The following HTR4 variants were observed in gnomAD, a reference collection of about 807,000 sequenced individuals.
HTR4 encodes the protein 5-hydroxytryptamine receptor 4.
A neutral mutation model predicts 36.8 loss-of-function variants in HTR4; 16 were observed. The observed-to-expected ratio is 0.43, with a 90% CI of 0.29 to 0.66. The LOEUF is 0.66. Ranked by LOEUF, HTR4 falls within the 30% of genes least tolerant of loss-of-function variation. The pLI, the probability that HTR4 is intolerant of heterozygous loss-of-function variation, is 0.13. For synonymous variants in HTR4, 189 were observed against 185.1 expected (o/e 1.02, Z -0.17); for missense variants, 438 against 490.9 (o/e 0.89, Z 1.02).
chr5:148,588,707 A>G (rs902697745), intron 2 of HTR4, among the ~76,000 whole-genome samples: 1 of 150,300 alleles, frequency 6.7e-6, no homozygotes, highest in Non-Finnish European at 1.5e-5. Flanking sequence ...CGCCCGGCTA[A>G]TTTTTTGTAT....
At chr5:148,593,547 C>T (rs1761654365) in intron 2 of HTR4, among the ~76,000 whole-genome samples, 1 of 152,122 alleles carries the variant, frequency 6.6e-6, no homozygotes, top group African/African-American at 2.4e-5. Context: ...GCCTCAATTT[C>T]TCTCCACCTT....
intron 2 of HTR4, among the ~76,000 whole-genome samples, chr5:148,601,815 T>A (rs1341444062): frequency 6.6e-6 from 1 of 151,898 alleles, no homozygotes; most frequent in Non-Finnish European, 1.5e-5. Flanking sequence ...AATAAATAAA[T>A]AGGAATTCTA....
At chr5:148,646,951 T>C (rs897549651) in intron 1 of HTR4, among the ~76,000 whole-genome samples, 1 of 152,156 alleles carries the variant, frequency 6.6e-6, no homozygotes, top group Non-Finnish European at 1.5e-5. Flanking sequence ...CTATCTCAGC[T>C]CTCCCAGCTT....
At chr5:148,529,021 G>A (rs190978468) in intron 4 of HTR4, among the ~76,000 whole-genome samples, 111 of 151,536 alleles carry the variant, frequency 7.3e-4, no homozygotes, top group African/African-American at 2.6e-3. Flanking sequence ...GACAGGAACT[G>A]TAAATATATC....
At chr5:148,614,110 G>A (rs1156406776) in intron 2 of HTR4, among the ~76,000 whole-genome samples, 11 of 152,044 alleles carry the variant, frequency 7.2e-5, no homozygotes, top group Non-Finnish European at 1.6e-4. Context: ...TACTGCCCAA[G>A]GTAATTTACA....
chr5:148,571,817 G>T (rs1436107630), intron 2 of HTR4, among the ~76,000 whole-genome samples: 2 of 152,058 alleles, frequency 1.3e-5, no homozygotes, highest in Non-Finnish European at 2.9e-5. Context: ...TCCCTATCAA[G>T]AAAATTAGAA....
At chr5:148,513,859 T>A (rs888849754) in intron 5 of HTR4, among the ~76,000 whole-genome samples, 1 of 152,186 alleles carries the variant, frequency 6.6e-6, no homozygotes, top group Non-Finnish European at 1.5e-5. Flanking sequence ...TCTAAGTATT[T>A]TATGCTTTTA....
chr5:148,647,062 T>C (rs1249609209), intron 1 of HTR4, among the ~76,000 whole-genome samples: 1 of 152,214 alleles, frequency 6.6e-6, no homozygotes, highest in African/African-American at 2.4e-5. Flanking sequence ...GCTCTTGGCA[T>C]CATGTGACTT....
chr5:148,592,440 A>C (rs1761611717), intron 2 of HTR4, among the ~76,000 whole-genome samples: 1 of 152,058 alleles, frequency 6.6e-6, no homozygotes, highest in Non-Finnish European at 1.5e-5. Context: ...CTAAACTAAT[A>C]ATTATATCCT....
chr5:148,485,936 T>A (rs1015729396), intron 6 of HTR4, among the ~76,000 whole-genome samples: 2 of 152,230 alleles, frequency 1.3e-5, no homozygotes, highest in African/African-American at 4.8e-5. Flanking sequence ...TCTCTATCTA[T>A]CTTTGACATT....
At position 148,482,690 on chromosome 5, in the gene HTR4, G is replaced by A. The variant is rs1451311792; in HGVS notation, c.*513C>T. 9.9e-7 allele frequency: 1 copy of A among 1,005,330 alleles called. No individual in the cohort carries two copies. The highest frequency in any genetic ancestry group is 4.2e-5 in the South Asian group (1 of 23,602). 62.3% of individuals were successfully genotyped at this position (1,005,330 alleles called of 1,614,324 possible). A position where few individuals can be genotyped will look rare whatever the true frequency, so the allele number is the denominator to read the frequency against. Reference sequence around the variant, plus strand: ...CTGGCACAGAACAGGGCGAAGAAGAGGCAGGGGATAGCTTGAACATGGCTG... The same window carrying A: ...CTGGCACAGAACAGGGCGAAGAAGAAGCAGGGGATAGCTTGAACATGGCTG... On this transcript the variant is annotated 3_prime_UTR_variant, in exon 7 of 7. Coordinates refer to ENST00000377888, the MANE Select transcript of HTR4 (RefSeq NM_000870.7).
intron 4 of HTR4, among the ~76,000 whole-genome samples, chr5:148,533,501 C>T (rs1758672336): frequency 6.6e-6 from 1 of 152,198 alleles, no homozygotes; most frequent in Admixed American, 6.5e-5. Context: ...GTATTTTAAG[C>T]TCCATGCTAA....
Position 148,628,948 on chromosome 5 carries a change from G to A in HTR4, c.26+8041C>T, listed in dbSNP as rs369286721. On this transcript the variant is annotated intron_variant, in intron 2 of 6. Transcript: ENST00000377888. ...ATGCTGTAATCCTATTAGGTACAGA[G>A]GTAATTCTGACTGGGCTTGAGCTGA... 2.6e-5 allele frequency: 4 copies of A among 152,080 alleles called. No individual in the cohort carries two copies. In the East Asian group the frequency reaches 5.8e-4, roughly 22 times the overall value. 9.4% of individuals were successfully genotyped at this position (152,080 alleles called of 1,614,324 possible).
At chr5:148,525,602 GC>G (rs1470707682) in intron 4 of HTR4, among the ~76,000 whole-genome samples, 1 of 152,172 alleles carries the variant, frequency 6.6e-6, no homozygotes, top group Non-Finnish European at 1.5e-5. Flanking sequence ...CTCAGCAGCA[GC>G]CCCCTGGTAG....
At chr5:148,529,294 C>G (rs1758438128) in intron 4 of HTR4, among the ~76,000 whole-genome samples, 1 of 152,224 alleles carries the variant, frequency 6.6e-6, no homozygotes, top group South Asian at 2.1e-4. Context: ...TGGCTGTGTA[C>G]CCACCCAAAT....
chr5:148,473,349 T>G (rs1755619538), downstream of HTR4, among the ~76,000 whole-genome samples: 1 of 149,194 alleles, frequency 6.7e-6, no homozygotes, highest in South Asian at 2.1e-4. Context: ...GTTGTCCTCA[T>G]ATGAAGTGGT....
At chr5:148,577,867 T>G (rs911716974) in intron 2 of HTR4, among the ~76,000 whole-genome samples, 1 of 151,824 alleles carries the variant, frequency 6.6e-6, no homozygotes, top group African/African-American at 2.4e-5. Flanking sequence ...AACTATTGGG[T>G]GCTGGGTTTA....
chr5:148,628,105 A>C (rs1364664153), intron 2 of HTR4, among the ~76,000 whole-genome samples: 1 of 152,212 alleles, frequency 6.6e-6, no homozygotes, highest in African/African-American at 2.4e-5. Flanking sequence ...TCCATTTTTA[A>C]AACCCTGGAC....
At chr5:148,505,588 T>C (rs1381617389) in intron 6 of HTR4, among the ~76,000 whole-genome samples, 2 of 152,194 alleles carry the variant, frequency 1.3e-5, no homozygotes, top group African/African-American at 2.4e-5. Flanking sequence ...AAATTGTCCC[T>C]GTTTGCAGAT....
Sources: gnomAD v4.1 joint callset for allele counts (sites outside exome capture counted in the v4.1 genomes callset) on GRCh38, gnomAD v4.1.1 for gene constraint, MANE v1.5 for transcripts, NCBI Gene and HGNC (gene_info 2026-07-23, HGNC 2026-07-21) for gene names.